The following FGF14 variants were observed in gnomAD, a reference collection of about 807,000 sequenced individuals.
FGF14 encodes the protein fibroblast growth factor 14, also known as fibroblast growth factor homologous factor 4.
In FGF14, 5 loss-of-function variants were observed where a neutral mutation model predicts 25.5. The ratio of observed to expected loss-of-function variants is 0.20; its 90% CI spans 0.10 to 0.41. FGF14 has a LOEUF of 0.41. Ranked by LOEUF, FGF14 falls within the 10% of genes least tolerant of loss-of-function variation. The pLI is 1.00. For synonymous variants in FGF14, 138 were observed against 118.3 expected (o/e 1.17, Z -1.08); for missense variants, 222 against 320.1 (o/e 0.69, Z 2.34).
chr13:101,757,711 G>A lies in FGF14; in HGVS notation c.409-30901C>T, dbSNP rs940556857. 2.0e-5 allele frequency among the ~76,000 whole-genome samples: 3 copies of A among 152,256 alleles called. No homozygotes were observed. The South Asian group carries it at 6.2e-4, about 32-fold the overall frequency. On this transcript the variant is annotated intron_variant, in intron 3 of 4. Transcript: ENST00000376143. ...TTGCCTTGCCTTTGAATAGCAAAAT[G>A]ATTGATTTTGAAAACCAAATGCAAA...
chr13:102,097,523 C>T (rs2044458520), intron 1 of FGF14, among the ~76,000 whole-genome samples: 1 of 152,212 alleles, frequency 6.6e-6, no homozygotes, highest in South Asian at 2.1e-4. Flanking sequence ...CCCAAGTAGA[C>T]TTGGCTGACA....
At chr13:102,258,146 CTACCATGAGAAGAG>C (rs1163254363) in intron 1 of FGF14, among the ~76,000 whole-genome samples, 1 of 152,152 alleles carries the variant, frequency 6.6e-6, no homozygotes, top group East Asian at 1.9e-4. Context: ...GACTTCTTCA[CTACCATGAGAAGAG>C]TATGGGGAAG....
rs149470276 is a variant in FGF14 at position 101,832,982 on chromosome 13, G to C, written c.408+35743C>G. On this transcript the variant is annotated intron_variant, in intron 3 of 4. Coordinates refer to ENST00000376143, the MANE Select transcript of FGF14 (RefSeq NM_004115.4). ...TCTGTAAATGAATTTACTTTTGTTT[G>C]CCGGATCTCTTTGACATCACACCAG... Among the ~76,000 whole-genome samples, 259 of 152,116 alleles carry C rather than the reference G, an allele frequency of 1.7e-3. 2 individuals are homozygous for C. The highest frequency in any genetic ancestry group is 6.0e-3 in the African/African-American group (249 of 41,540).
At position 101,817,545 on chromosome 13, in the gene FGF14, G is replaced by A. The variant is rs552187361; in HGVS notation, c.408+51180C>T. ...GGTACACAATTTCATCATCTCTAAT[G>A]CTATTACTTGGTTTTGCAATATAGT... is the stretch of plus-strand genomic sequence containing the variant. On this transcript the variant is annotated intron_variant, in intron 3 of 4. Transcript: ENST00000376143. Among the ~76,000 whole-genome samples, 3 of 152,188 alleles carry A rather than the reference G, an allele frequency of 2.0e-5. No homozygotes were observed. The East Asian group carries it at 5.8e-4, about 29-fold the overall frequency.
At chr13:102,012,713 G>A (rs1356019289) in intron 1 of FGF14, among the ~76,000 whole-genome samples, 2 of 152,152 alleles carry the variant, frequency 1.3e-5, no homozygotes, top group African/African-American at 4.8e-5. Context: ...AATGAAGATG[G>A]TAAGAGAAGA....
At chr13:102,007,658 T>G (rs1246060727) in intron 1 of FGF14, among the ~76,000 whole-genome samples, 1 of 152,176 alleles carries the variant, frequency 6.6e-6, no homozygotes, top group Admixed American at 6.5e-5. Context: ...TTATATTAAT[T>G]GCCAAGGAGC....
intron 1 of FGF14, among the ~76,000 whole-genome samples, chr13:102,039,498 C>T (rs1407038149): frequency 1.3e-5 from 2 of 152,130 alleles, no homozygotes; most frequent in African/African-American, 4.8e-5. Context: ...CATCCCATGG[C>T]CCTCTCCCAG....
intron 1 of FGF14, among the ~76,000 whole-genome samples, chr13:102,032,137 CA>C (rs2041243116): frequency 6.6e-6 from 1 of 152,098 alleles, no homozygotes; most frequent in Non-Finnish European, 1.5e-5. Flanking sequence ...CTCCTCAGAC[CA>C]AACAGCCTGC....
At chr13:101,905,964 T>C (rs1178209640) in intron 1 of FGF14, among the ~76,000 whole-genome samples, 1 of 152,142 alleles carries the variant, frequency 6.6e-6, no homozygotes, top group Non-Finnish European at 1.5e-5. Context: ...CACCCTGTTG[T>C]TGGGAGAAGT....
At chr13:102,036,163 G>C (rs1477014668) in intron 1 of FGF14, among the ~76,000 whole-genome samples, 1 of 152,078 alleles carries the variant, frequency 6.6e-6, no homozygotes, top group African/African-American at 2.4e-5. Context: ...GCTCACTGAA[G>C]CCTGAAAACC....
At chr13:102,385,188 C>T (rs571338009) in intron 1 of FGF14, among the ~76,000 whole-genome samples, 1 of 152,314 alleles carries the variant, frequency 6.6e-6, no homozygotes, top group East Asian at 1.9e-4. Context: ...TTACTGACTA[C>T]ATATTTTTTC....
chr13:101,862,764 T>C (rs889760093), intron 3 of FGF14, among the ~76,000 whole-genome samples: 4 of 152,088 alleles, frequency 2.6e-5, no homozygotes, highest in Non-Finnish European at 5.9e-5. Context: ...CTATAAATTA[T>C]CTTGGCCAAG....
intron 1 of FGF14, among the ~76,000 whole-genome samples, chr13:102,044,287 T>A (rs2041877889): frequency 6.6e-6 from 1 of 152,150 alleles, no homozygotes; most frequent in Non-Finnish European, 1.5e-5. Context: ...TCCTAACTGC[T>A]AATTACCCCT....
At position 101,912,218 on chromosome 13, in the gene FGF14, G is replaced by A. The variant is rs548706152; in HGVS notation, c.193+4235C>T. On this transcript the variant is annotated intron_variant, in intron 1 of 4. Transcript: ENST00000376143. ...GCATTAACTTGAAAACACATTTTAA[G>A]TACCTCACTTTCCATTCCTTATACA... 1.1e-4 allele frequency among the ~76,000 whole-genome samples: 17 copies of A among 152,132 alleles called. No individual in the cohort carries two copies. In the South Asian group the frequency reaches 3.3e-3, roughly 30 times the overall value.
In FGF14 at chr13:102,259,520, G is replaced by A. The variant is rs969884966; in HGVS notation, c.208+141951C>T. Among the ~76,000 whole-genome samples, 3 of 152,066 alleles carry A rather than the reference G, an allele frequency of 2.0e-5. 1 individual carries two copies. Among genetic ancestry groups the A allele is most frequent in the East Asian group, 3.9e-4 (2 of 5,160 alleles). On this transcript the variant is annotated intron_variant, in intron 1 of 4. Transcript: ENST00000376131. ...CCTCCTTGTTTTTGTAGATACTCACGTCCTCCTGTCTCATAGCATATATAT... is the reference window on the plus strand; with the variant it reads ...CCTCCTTGTTTTTGTAGATACTCACATCCTCCTGTCTCATAGCATATATAT...
chr13:102,298,681 C>T (rs528446250), intron 1 of FGF14, among the ~76,000 whole-genome samples: 3 of 152,186 alleles, frequency 2.0e-5, no homozygotes, highest in Admixed American at 2.0e-4. Flanking sequence ...GGGTGATTGC[C>T]TAATTATACT....
intron 1 of FGF14, among the ~76,000 whole-genome samples, chr13:101,970,198 G>A (rs867852081): frequency 1.3e-5 from 2 of 152,206 alleles, no homozygotes; most frequent in African/African-American, 2.4e-5. Flanking sequence ...ATACACAGGA[G>A]ATCTAGACCT....
intron 3 of FGF14, among the ~76,000 whole-genome samples, chr13:101,743,253 C>A (rs1043253198): frequency 3.3e-5 from 5 of 152,116 alleles, no homozygotes; most frequent in African/African-American, 1.2e-4. Context: ...TCTCAGATAC[C>A]TTTTGGTTTA....
intron 1 of FGF14, among the ~76,000 whole-genome samples, chr13:101,887,752 C>G (rs968590757): frequency 6.6e-6 from 1 of 152,038 alleles, no homozygotes; most frequent in Non-Finnish European, 1.5e-5. Flanking sequence ...GTTCCCCACA[C>G]AAAGAAATGA....
Sources: allele counts gnomAD v4.1 joint callset (sites outside exome capture counted in the v4.1 genomes callset), GRCh38; gene constraint gnomAD v4.1.1; transcripts MANE v1.5; gene names NCBI Gene and HGNC (gene_info 2026-07-23, HGNC 2026-07-21).